The following TLN2 variants were observed in gnomAD, a reference collection of about 807,000 sequenced individuals.
The protein encoded by TLN2 is talin 2.
A neutral mutation model predicts 294.7 loss-of-function variants in TLN2; 118 were observed. The observed-to-expected ratio is 0.40, with a 90% CI of 0.34 to 0.47. The LOEUF (loss-of-function observed/expected upper bound fraction) is 0.47. Ranked by LOEUF, TLN2 falls within the 20% of genes least tolerant of loss-of-function variation. TLN2 has a pLI of 0.84. For synonymous variants in TLN2, 1,431 were observed against 1,304.5 expected (o/e 1.10, Z -2.09); for missense variants, 3,083 against 3,282.2 (o/e 0.94, Z 1.48).
rs1469452211 is a variant in TLN2 at position 62,798,232 on chromosome 15, T to A, written c.6234+830T>A. ...TAGATGGCCCAGGTGAGAACTTCGG[T>A]TCTCAAGGAAGAGAGAGAAGAACTG... On this transcript the variant is annotated intron_variant, in intron 48 of 58. Coordinates refer to ENST00000636159, the MANE Select transcript of TLN2 (RefSeq NM_015059.3). 3.3e-5 allele frequency among the ~76,000 whole-genome samples: 5 copies of A among 152,050 alleles called. No individual in the cohort carries two copies. In the East Asian group the frequency reaches 9.6e-4, roughly 29 times the overall value.
rs574638159 is a variant in TLN2, at chr15:62,429,167, G to A, written c.-238+38482G>A. ...TGGTGAGCCCTAAGCAATCACTCAA[G>A]CGGGGTGCAGTGATCTTGTGATGGT... is the stretch of plus-strand genomic sequence containing the variant. On this transcript the variant is annotated intron_variant, in intron 1 of 58. Transcript: ENST00000636159. Among the ~76,000 whole-genome samples, 10 of 151,702 alleles carry A rather than the reference G, an allele frequency of 6.6e-5. No individual in the cohort carries two copies. The East Asian group carries it at 1.6e-3, about 24-fold the overall frequency.
At chr15:62,731,048 C>T (rs1385814398) in intron 28 of TLN2, among the ~76,000 whole-genome samples, 3 of 152,050 alleles carry the variant, frequency 2.0e-5, no homozygotes, top group Admixed American at 6.5e-5. Context: ...TTCACTTTTC[C>T]TCTCTTTAGC....
At chr15:62,442,492 CAGAAAAAA>C (rs1397080663) in intron 1 of TLN2, among the ~76,000 whole-genome samples, 3 of 65,562 alleles carry the variant, frequency 4.6e-5, no homozygotes, top group East Asian at 1.7e-3. Context: ...GACTCTGTCT[CAGAAAAAA>C]AAAAAAAAAA....
intron 1 of TLN2, among the ~76,000 whole-genome samples, chr15:62,441,432 T>C (rs887909576): frequency 2.6e-5 from 4 of 152,184 alleles, no homozygotes; most frequent in Admixed American, 6.5e-5. Flanking sequence ...AATCCACCCC[T>C]GAATACATGT....
rs530539903 is a variant in TLN2 at position 62,728,903 on chromosome 15, G to A, written c.3358+1714G>A. On this transcript the variant is annotated intron_variant, in intron 28 of 58. Coordinates refer to ENST00000636159, the MANE Select transcript of TLN2 (RefSeq NM_015059.3). ...TTTCTTTATGGTTAGTACTTTTTGT[G>A]CCCTATTTTAAAACTTTTGCCTAAG... Among the ~76,000 whole-genome samples the A allele has an allele frequency of 2.0e-5, 3 of 151,972 alleles. No individual in the cohort carries two copies. In the South Asian group the frequency reaches 6.3e-4, roughly 32 times the overall value.
At chr15:62,759,153 T>C (rs1771430337) in intron 37 of TLN2, among the ~76,000 whole-genome samples, 1 of 152,226 alleles carries the variant, frequency 6.6e-6, no homozygotes, top group Admixed American at 6.5e-5. Context: ...CATGCTTGCT[T>C]GAAATGTCAC....
rs2061135246 is a variant in TLN2 at position 62,738,248 on chromosome 15, G to T, written c.3602G>T (p.Cys1201Phe). 6.2e-7 allele frequency: 1 copy of T among 1,614,032 alleles called. No homozygotes were observed. The highest frequency in any genetic ancestry group is 1.7e-5 in the Admixed American group (1 of 60,014). Residue 1201 changes from cysteine to phenylalanine, a missense_variant, in exon 30 of 59, where the codon TGC becomes TTC. Coordinates refer to ENST00000636159, the MANE Select transcript of TLN2 (RefSeq NM_015059.3). Reference sequence around the variant, plus strand: ...GCCGTCTCACACTCCTTGAATAACTGCGTAAATTGCCTCCCTGGGCAGAAG... The same window carrying T: ...GCCGTCTCACACTCCTTGAATAACTTCGTAAATTGCCTCCCTGGGCAGAAG... The part of the protein sequence containing the change: ...AKAVSHSLNN[C>F]VNCLPGQKDV...
At chr15:62,781,471 A>T (rs371341948) in intron 44 of TLN2, among the ~76,000 whole-genome samples, 29 of 152,212 alleles carry the variant, frequency 1.9e-4, no homozygotes, top group African/African-American at 7.0e-4. Flanking sequence ...AGGGAATTAA[A>T]GATGGCTGAG....
intron 1 of TLN2, among the ~76,000 whole-genome samples, chr15:62,468,882 G>A (rs889126630): frequency 3.9e-5 from 6 of 152,150 alleles, no homozygotes; most frequent in African/African-American, 1.2e-4. Flanking sequence ...TTTCCATGCT[G>A]TTTTCTTGAG....
chr15:62,594,366 C>T (rs1412738886), intron 2 of TLN2, among the ~76,000 whole-genome samples: 1 of 152,142 alleles, frequency 6.6e-6, no homozygotes, highest in African/African-American at 2.4e-5. Flanking sequence ...TGCCACCACG[C>T]CCAGCTAATT....
chr15:62,619,281 G>A (rs1326720254), intron 3 of TLN2, among the ~76,000 whole-genome samples: 1 of 152,236 alleles, frequency 6.6e-6, no homozygotes, highest in East Asian at 1.9e-4. Flanking sequence ...AGAGAAGAGT[G>A]AGGCGCTGGA....
At chr15:62,603,991 G>A (rs2047206830) in intron 2 of TLN2, among the ~76,000 whole-genome samples, 1 of 152,206 alleles carries the variant, frequency 6.6e-6, no homozygotes. Context: ...AGCAGGCATA[G>A]ACAAGTCATA....
rs1339257698 is a variant in TLN2 at position 62,753,848 on chromosome 15, G to T, written c.4408G>T (p.Ala1470Ser). 2 of 1,612,198 alleles carry T rather than the reference G, an allele frequency of 1.2e-6. No homozygotes were observed. Among genetic ancestry groups the T allele is most frequent in the African/African-American group, 2.7e-5 (2 of 74,852 alleles). ...GGGCCTGGTGGACCCCATCCAGTTT[G>T]CCAGGGCTAACCAGGCCATCCAGAT... Reference protein sequence around the residue: ...HQGLVDPIQFARANQAIQMAC... With the variant: ...HQGLVDPIQFSRANQAIQMAC... The change falls in exon 36 of 59, where the codon GCC becomes TCC. Residue 1470 changes from alanine (A) to serine (S), a missense_variant. By Grantham distance (99) the Ala-to-Ser change is moderately conservative (BLOSUM62 1). Transcript: ENST00000636159.
chr15:62,434,581 T>C lies in TLN2; in HGVS notation c.-238+43896T>C, dbSNP rs144736352. Among the ~76,000 whole-genome samples, 176 of 152,336 alleles carry C rather than the reference T, an allele frequency of 1.2e-3. 1 individual carries two copies. In the East Asian group the frequency reaches 0.032, roughly 28 times the overall value. The stretch of plus-strand genomic sequence containing the variant: ...AGTATGTTCATCTTTAATTTAATAT[T>C]GCTAAATTGTCCTCCAAAGAAGTTG... On this transcript the variant is annotated intron_variant, in intron 1 of 58. Coordinates refer to ENST00000636159, the MANE Select transcript of TLN2 (RefSeq NM_015059.3).
intron 9 of TLN2, among the ~76,000 whole-genome samples, chr15:62,669,368 T>C (rs2055119091): frequency 6.6e-6 from 1 of 152,182 alleles, no homozygotes; most frequent in Non-Finnish European, 1.5e-5. Context: ...GAGGAGTCTG[T>C]TGGCTGCGAA....
Position 62,838,771 on chromosome 15 carries a change from T to C in TLN2, c.7375-85T>C, listed in dbSNP as rs1017989073. ...TTGGATAATCAATTGACTCATGGTCTCACAAACTGTACCTTCATGTCTATT... is the reference window on the plus strand; with the variant it reads ...TTGGATAATCAATTGACTCATGGTCCCACAAACTGTACCTTCATGTCTATT... On this transcript the variant is annotated intron_variant, in intron 57 of 58. Coordinates refer to ENST00000636159, the MANE Select transcript of TLN2 (RefSeq NM_015059.3). The C allele has an allele frequency of 1.4e-5, 21 of 1,539,976 alleles. 1 individual carries two copies. The highest frequency in any genetic ancestry group is 1.6e-5 in the Non-Finnish European group (18 of 1,135,880).
chr15:62,527,946 T>C (rs924369506), intron 1 of TLN2, among the ~76,000 whole-genome samples: 18 of 152,338 alleles, frequency 1.2e-4, no homozygotes, highest in Admixed American at 1.2e-3. Context: ...TTTTCCAGAT[T>C]ATAAAAATAC....
intron 1 of TLN2, among the ~76,000 whole-genome samples, chr15:62,475,911 T>C (rs2037759325): frequency 6.6e-6 from 1 of 152,228 alleles, no homozygotes; most frequent in African/African-American, 2.4e-5. Flanking sequence ...AGGTAAAATG[T>C]AAGCTTTATA....
intron 1 of TLN2, among the ~76,000 whole-genome samples, chr15:62,442,492 CAGAA>C (rs1233444947): frequency 7.6e-5 from 5 of 65,550 alleles, no homozygotes; most frequent in African/African-American, 1.6e-4. Context: ...GACTCTGTCT[CAGAA>C]AAAAAAAAAA....
Sources: gnomAD v4.1 joint callset for allele counts (sites outside exome capture counted in the v4.1 genomes callset) on GRCh38, gnomAD v4.1.1 for gene constraint, MANE v1.5 for transcripts, NCBI Gene and HGNC (gene_info 2026-07-23, HGNC 2026-07-21) for gene names.